Variants in TSC2 observed in about 807,000 individuals in gnomAD.
The protein encoded by TSC2 is TSC complex subunit 2.
A neutral mutation model predicts 202.2 loss-of-function variants in TSC2; 29 were observed. That is an observed-to-expected ratio of 0.14 (90% CI 0.11 to 0.20). The LOEUF (loss-of-function observed/expected upper bound fraction) is 0.20, where lower values mean the gene tolerates loss of function less well. Among genes scored for constraint, TSC2 ranks in the 10% least tolerant of loss-of-function variants. The probability of loss-of-function intolerance (pLI) is 1.00; values close to 1 mark genes in which losing one functional copy is unlikely to be tolerated. For synonymous variants in TSC2, 1,349 were observed against 1,044.0 expected, an observed-to-expected ratio of 1.29 and a Z score of -5.63; for missense variants, 2,429 against 2,420.0, an observed-to-expected ratio of 1.00 and a Z score of -0.08.
chr16:2,084,749 AC>A (rs748477254), intron 34 of TSC2, 34 bp downstream of exon 34: 1 of 1,598,236 alleles, frequency 6.3e-7, no homozygotes, highest in Non-Finnish European at 8.5e-7. Flanking sequence ...GGCTCCTGAC[AC>A]CTCTCCTGCG....
At chr16:2,054,644 C>T (rs1186067758) in intron 5 of TSC2, 3 of 687,754 alleles carry the variant, frequency 4.4e-6, no homozygotes, top group Non-Finnish European at 7.5e-6. Context: ...TCCTGGCCTT[C>T]ACCCCAGACC....
chr16:2,066,009 C>T (rs1213208905), intron 16 of TSC2, among the ~76,000 whole-genome samples: 1 of 152,190 alleles, frequency 6.6e-6, no homozygotes, highest in Non-Finnish European at 1.5e-5. Context: ...ATTTAATTTA[C>T]ATATCATGCA....
At position 2,069,079 on chromosome 16, in the gene TSC2, C is replaced by T. The variant is rs369448601; in HGVS notation, c.1717-1377C>T. Among the ~76,000 whole-genome samples the T allele has an allele frequency of 2.2e-4, 34 of 152,114 alleles. No individual in the cohort carries two copies. In the South Asian group the frequency reaches 3.1e-3, roughly 14 times the overall value. The stretch of plus-strand genomic sequence containing the variant: ...GTAAGTGACCCATGAAGGCCAGCCT[C>T]GTGCTGTTCGAGGGTCAGAGAGTTT... On this transcript the variant is annotated intron_variant, in intron 16 of 41. Coordinates refer to ENST00000219476, the MANE Select transcript of TSC2 (RefSeq NM_000548.5).
intron 15 of TSC2, chr16:2,064,815 T>C (rs1482178187): frequency 1.2e-5 from 4 of 329,552 alleles, no homozygotes; most frequent in Non-Finnish European, 1.8e-5. Flanking sequence ...TCTTTGCTTT[T>C]GAGCAATAAA....
At chr16:2,087,642 T>C (rs1205907890) in intron 38 of TSC2, among the ~76,000 whole-genome samples, 1 of 152,104 alleles carries the variant, frequency 6.6e-6, no homozygotes, top group Non-Finnish European at 1.5e-5. Flanking sequence ...TAGAGGTGTC[T>C]TGCCTGTGGC....
intron 38 of TSC2, among the ~76,000 whole-genome samples, 190 bp from the exon 39 acceptor site, chr16:2,087,665 GGGTGCTGC>G (rs1294233000): frequency 1.3e-5 from 2 of 152,188 alleles, no homozygotes; most frequent in Admixed American, 1.3e-4. Context: ...CAGCATATGT[GGGTGCTGC>G]GCCCAGATGT....
At chr16:2,076,291 T>G (rs2089355693) in intron 24 of TSC2, 121 bp downstream of exon 24, 5 of 1,565,064 alleles carry the variant, frequency 3.2e-6, no homozygotes, top group Non-Finnish European at 4.3e-6. Flanking sequence ...TGTTTGGGGC[T>G]GTGCCTGTGG....
chr16:2,060,835 C>T (rs770802101), intron 11 of TSC2, 22 bp downstream of exon 11: 21 of 1,611,464 alleles, frequency 1.3e-5, no homozygotes, highest in South Asian at 9.9e-5. Flanking sequence ...GCAGGAGCTC[C>T]GGGGAGCACC....
At position 2,071,749 on chromosome 16, in the gene TSC2, G is replaced by C. The variant is rs1422414152; in HGVS notation, c.1947-35G>C. The C allele has an allele frequency of 3.1e-6, 5 of 1,601,046 alleles. No homozygotes were observed. The South Asian group carries it at 4.5e-5, about 14-fold the overall frequency. ...CAAGTCTGTTCCGTTCCTGCTGCGG[G>C]GACTTGGCCTCAGCTGCTTCTCTTG... On this transcript the variant is annotated intron_variant, in intron 18 of 41. Coordinates refer to ENST00000219476, the MANE Select transcript of TSC2 (RefSeq NM_000548.5).
chr16:2,065,872 G>C (rs1334238650), intron 16 of TSC2, among the ~76,000 whole-genome samples: 1 of 152,176 alleles, frequency 6.6e-6, no homozygotes. Flanking sequence ...CCTGAGTCAG[G>C]GCCGGAACCA....
At chr16:2,088,184 G>A (rs2151625617) in intron 40 of TSC2, 43 bp from the exon 41 acceptor site, 1 of 1,612,882 alleles carries the variant, frequency 6.2e-7, no homozygotes, top group Middle Eastern at 1.6e-4. Flanking sequence ...GACAGGCCCA[G>A]GTGCCACCTG....
chr16:2,087,008 G>A, intron 38 of TSC2, 137 bp downstream of exon 38: 2 of 1,336,088 alleles, frequency 1.5e-6, no homozygotes, highest in African/African-American at 1.4e-5. Context: ...GGGCCCCGTG[G>A]GCACGAGCTT....
In TSC2 at chr16:2,084,308, C is replaced by T. The variant is rs763847509; in HGVS notation, c.4086C>T (p.Val1362=). The T allele has an allele frequency of 2.0e-5, 33 of 1,612,706 alleles. No homozygotes were observed. In the Admixed American group the frequency reaches 3.8e-4, roughly 19 times the overall value. The change falls in exon 34 of 42, where the codon GTC becomes GTT. Residue 1362 remains valine (V), a synonymous_variant. Coordinates refer to ENST00000219476, the MANE Select transcript of TSC2 (RefSeq NM_000548.5). ...LVGRGIPIER[V]VSSEGGRPSV... The stretch of plus-strand genomic sequence containing the variant: ...GCAGGGGCATCCCCATCGAGCGAGT[C>T]GTCTCCTCGGAGGGTGGCCGGCCCT...
At chr16:2,080,699 T>G (rs966137806) in intron 30 of TSC2, 59 of 344,300 alleles carry the variant, frequency 1.7e-4, no homozygotes, top group African/African-American at 7.4e-4. Flanking sequence ...TTAGCCAGGA[T>G]GGTCTCAATC....
At position 2,085,329 on chromosome 16, in the gene TSC2, C is replaced by G. The variant is rs1555515435; in HGVS notation, c.4662+7C>G. 3 of 1,612,562 alleles carry G rather than the reference C, an allele frequency of 1.9e-6. No homozygotes were observed. The highest frequency in any genetic ancestry group is 2.5e-6 in the Non-Finnish European group (3 of 1,179,882). ...GTATGTTGGAGAAGGCCAGGTGAGG[C>G]TGCGGGGCCGGCCTAGGTGCCTGGA... On this transcript the variant is annotated splice_region_variant and intron_variant, in intron 36 of 41. Transcript: ENST00000219476.
chr16:2,069,687 A>G (rs1361605738), intron 16 of TSC2, among the ~76,000 whole-genome samples: 1 of 152,150 alleles, frequency 6.6e-6, no homozygotes, highest in Non-Finnish European at 1.5e-5. Flanking sequence ...TCACCATGTT[A>G]GCCAGGATGG....
intron 35 of TSC2, 54 bp from the exon 36 acceptor site, chr16:2,085,162 CCGGCCTGGGTGGGG>C (rs2151547455): frequency 6.2e-7 from 1 of 1,608,018 alleles, no homozygotes; most frequent in East Asian, 2.2e-5. Context: ...CCTGCCGTGA[CCGGCCTGGGTGGGG>C]CGGCCTCCTG....
chr16:2,088,210 CCT>C lies in TSC2; in HGVS notation c.5161-16_5161-15del, dbSNP rs1260314271. The C allele has an allele frequency of 6.2e-7, 1 of 1,613,122 alleles. No homozygotes were observed. Among genetic ancestry groups the C allele is most frequent in the South Asian group, 1.1e-5 (1 of 91,082 alleles). ...GTGCCACCTGATAGTGAGCTCACCC[CCT>C]GCCTACGTCCCCAGATGGCCTCACA... On this transcript the variant is annotated splice_polypyrimidine_tract_variant and intron_variant, in intron 40 of 41. Transcript: ENST00000219476.
Position 2,061,996 on chromosome 16 carries a change from G to T in TSC2, c.1245G>T (p.Ala415=). The T allele has an allele frequency of 1.2e-6, 2 of 1,614,142 alleles. No individual in the cohort carries two copies. Among genetic ancestry groups the T allele is most frequent in the Non-Finnish European group, 1.7e-6 (2 of 1,180,024 alleles). Residue 415 remains alanine, a synonymous_variant, in exon 12 of 42, where the codon GCG becomes GCT. Transcript: ENST00000219476. Reference sequence around the variant, plus strand: ...ACTTTGAACTGGTGGAGAGATGTGCGGACCAGAGGCCTGTGAGACCCCCTC... The same window carrying T: ...ACTTTGAACTGGTGGAGAGATGTGCTGACCAGAGGCCTGTGAGACCCCCTC... The part of the protein sequence containing the change: ...ERYFELVERC[A]DQRPESSLLN...
Sources: allele counts gnomAD v4.1 joint callset (sites outside exome capture counted in the v4.1 genomes callset), GRCh38; gene constraint gnomAD v4.1.1; transcripts MANE v1.5; gene names NCBI Gene and HGNC (gene_info 2026-07-23, HGNC 2026-07-21).